EPG5: variants seen among roughly 807,000 people sequenced by gnomAD.
The protein encoded by EPG5 is ectopic P-granules 5 autophagy tethering factor.
A neutral mutation model predicts 302.7 loss-of-function variants in EPG5; 159 were observed. That is an observed-to-expected ratio of 0.53 (90% confidence interval 0.46 to 0.60). The LOEUF is 0.60. EPG5 is among the 20% of genes least tolerant of loss of function. The pLI, the probability that EPG5 is intolerant of heterozygous loss-of-function variation, is 0.00. For missense variants in EPG5, 2,896 were observed against 3,092.4 expected, an observed-to-expected ratio of 0.94 and a Z score of 1.51; for synonymous variants, 1,158 against 1,136.8, an observed-to-expected ratio of 1.02 and a Z score of -0.37.
the EPG5 span, among the ~76,000 whole-genome samples, chr18:45,833,887 C>T: frequency 3.9e-5 from 6 of 151,914 alleles, no homozygotes; most frequent in East Asian, 5.8e-4. Context: ...CAGAGGTGAA[C>T]AAATTAACCA....
chr18:45,955,540 C>G (rs938105421), intron 1 of EPG5, among the ~76,000 whole-genome samples: 1 of 151,968 alleles, frequency 6.6e-6, no homozygotes, highest in Non-Finnish European at 1.5e-5. Context: ...CAATATTGAG[C>G]GTGTTAAATT....
chr18:45,948,606 T>C, intron 5 of EPG5, 30 bp from the exon 6 acceptor site: 1 of 1,567,422 alleles, frequency 6.4e-7, no homozygotes, highest in Non-Finnish European at 8.8e-7. Flanking sequence ...AAGCATACTG[T>C]AGAAAACAAA....
At chr18:45,956,571 C>G (rs2051037581) in intron 1 of EPG5, among the ~76,000 whole-genome samples, 1 of 151,992 alleles carries the variant, frequency 6.6e-6, no homozygotes, top group African/African-American at 2.4e-5. Flanking sequence ...ATTCTCCTGC[C>G]TCAGCCTCCC....
At chr18:45,934,158 G>C (rs982227865) in intron 11 of EPG5, among the ~76,000 whole-genome samples, 1 of 151,884 alleles carries the variant, frequency 6.6e-6, no homozygotes, top group Non-Finnish European at 1.5e-5. Context: ...GCGTGATAGC[G>C]TGGACCTGTA....
At chr18:45,897,683 CCTAA>C (rs1329628437) in intron 27 of EPG5, among the ~76,000 whole-genome samples, 1 of 152,138 alleles carries the variant, frequency 6.6e-6, no homozygotes, top group Non-Finnish European at 1.5e-5. Context: ...TTGGACTCAT[CCTAA>C]CTTTTAGGTC....
intron 24 of EPG5, among the ~76,000 whole-genome samples, chr18:45,905,125 G>A (rs1599539059): frequency 1.3e-5 from 2 of 152,156 alleles, no homozygotes; most frequent in South Asian, 4.1e-4. Context: ...ACTCCCATGG[G>A]CTGTCTTGCA....
At chr18:45,895,027 T>A (rs913669750) in intron 27 of EPG5, among the ~76,000 whole-genome samples, 1 of 152,016 alleles carries the variant, frequency 6.6e-6, no homozygotes, top group Non-Finnish European at 1.5e-5. Flanking sequence ...AGAAGCGAGG[T>A]GTGCATACCA....
the EPG5 span, among the ~76,000 whole-genome samples, chr18:45,810,283 A>G: frequency 6.6e-6 from 1 of 152,186 alleles, no homozygotes; most frequent in African/African-American, 2.4e-5. Context: ...TCTACCAGAC[A>G]TTCAAAAAAG....
At position 45,955,205 on chromosome 18, in the gene EPG5, G is replaced by GA; in HGVS notation, c.196dup (p.Ser66PhefsTer6). 6.2e-7 allele frequency: 1 copy of GA among 1,614,156 alleles called. No individual in the cohort carries two copies. The highest frequency in any genetic ancestry group is 2.2e-5 in the East Asian group (1 of 44,884). On this transcript the variant is annotated frameshift_variant, in exon 2 of 44. Transcript: ENST00000282041. LOFTEE classifies it high-confidence loss of function. ...TCCACTGGCATCATCCTGGAGCTGG[G>GA]AATCAGTTACCACCTTCAGATGGTC...
In EPG5 at chr18:45,916,035, G is replaced by C. The variant is rs780348341; in HGVS notation, c.3556C>G (p.Gln1186Glu). 6.8e-6 allele frequency: 11 copies of C among 1,613,112 alleles called. No individual in the cohort carries two copies. The African/African-American group carries it at 8.0e-5, about 12-fold the overall frequency. ...TTATGTTGTTGGTAGAGTAATTTCT[G>C]TATGCAGTCTTCCTGCATCAGCTGA... Reference protein sequence around the residue: ...AFQLMQEDCIQKLLYQQHKNA... With the variant: ...AFQLMQEDCIEKLLYQQHKNA... Residue 1186 changes from glutamine to glutamate, a missense_variant, in exon 19 of 44, where the codon CAG (glutamine) becomes GAG (glutamate). Physicochemically the swap from Gln to Glu is conservative, Grantham distance 29 (BLOSUM62 2). This residue lies in a region of EPG5 where 1,390 missense variants were observed against 1,430.0 expected (regional missense o/e 0.97). Coordinates refer to ENST00000282041, the MANE Select transcript of EPG5 (RefSeq NM_020964.3).
the EPG5 span, among the ~76,000 whole-genome samples, chr18:45,814,583 A>C: frequency 6.6e-6 from 1 of 152,230 alleles, no homozygotes; most frequent in Non-Finnish European, 1.5e-5. Flanking sequence ...TTAGAACCTG[A>C]AATATTTAGG....
chr18:45,912,077 G>A (rs2049916783), intron 22 of EPG5, among the ~76,000 whole-genome samples: 1 of 151,960 alleles, frequency 6.6e-6, no homozygotes, highest in African/African-American at 2.4e-5. Flanking sequence ...CACTGGTCAT[G>A]GAAGATGGTA....
At chr18:45,952,899 C>T (rs1004519679) in intron 2 of EPG5, among the ~76,000 whole-genome samples, 3 of 152,070 alleles carry the variant, frequency 2.0e-5, no homozygotes, top group Non-Finnish European at 2.9e-5. Flanking sequence ...GTGGGCCAGG[C>T]GCGGTGGCTG....
intron 35 of EPG5, among the ~76,000 whole-genome samples, chr18:45,873,573 CT>C (rs1568110109): frequency 6.6e-6 from 1 of 151,382 alleles, no homozygotes; most frequent in East Asian, 1.9e-4. Context: ...GTGCTCAAAT[CT>C]TTTTCTCAGT....
the EPG5 span, among the ~76,000 whole-genome samples, chr18:45,818,157 C>T: frequency 1.7e-4 from 26 of 152,160 alleles, no homozygotes; most frequent in Middle Eastern, 6.8e-3. Context: ...AATTATCTAA[C>T]TATATGGGTA....
chr18:45,937,484 G>T (rs1036534254), intron 10 of EPG5, among the ~76,000 whole-genome samples: 9 of 151,972 alleles, frequency 5.9e-5, no homozygotes, highest in African/African-American at 1.9e-4. Context: ...TCAGCTCACC[G>T]CAACCTCCAC....
intron 39 of EPG5, among the ~76,000 whole-genome samples, chr18:45,864,775 G>A (rs1265626290): frequency 1.3e-5 from 2 of 152,206 alleles, no homozygotes; most frequent in Non-Finnish European, 2.9e-5. Flanking sequence ...ACCAATCTAG[G>A]TAGTCTGAAT....
At chr18:45,926,729 C>CT (rs1332065871) in intron 13 of EPG5, among the ~76,000 whole-genome samples, 1 of 151,434 alleles carries the variant, frequency 6.6e-6, no homozygotes, top group Non-Finnish European at 1.5e-5. Flanking sequence ...AGGAGAATCG[C>CT]TTGAACCCAT....
chr18:45,910,810 A>G, intron 22 of EPG5, 68 bp from the exon 23 acceptor site: 1 of 1,282,430 alleles, frequency 7.8e-7, no homozygotes, highest in East Asian at 2.4e-5. Context: ...GGCATAAAAT[A>G]GCAGTTAATT....
Sources: allele counts gnomAD v4.1 joint callset (sites outside exome capture counted in the v4.1 genomes callset), GRCh38; gene constraint gnomAD v4.1.1; regional missense constraint gnomAD v4.1.1; transcripts MANE v1.5; gene names NCBI Gene and HGNC (gene_info 2026-07-23, HGNC 2026-07-21).